LMX1B: variants seen among roughly 807,000 people sequenced by gnomAD.
LMX1B encodes the protein LIM homeobox transcription factor 1-beta.
A neutral mutation model predicts 51.4 loss-of-function variants in LMX1B; 12 were observed. The observed-to-expected ratio is 0.23, with a 90% CI of 0.15 to 0.38. LMX1B has a LOEUF of 0.38. LMX1B is among the 10% of genes least tolerant of loss of function. The probability of loss-of-function intolerance (pLI) is 1.00; values close to 1 mark genes in which losing one functional copy is unlikely to be tolerated. For synonymous variants in LMX1B, 237 were observed against 235.4 expected (o/e 1.01, Z -0.06); for missense variants, 445 against 571.1 (o/e 0.78, Z 2.25).
intron 2 of LMX1B, among the ~76,000 whole-genome samples, chr9:126,651,299 G>T (rs188245748): frequency 0.033 from 5,005 of 151,922 alleles, 290 homozygotes; most frequent in African/African-American, 0.11. Context: ...GGAGGGACTG[G>T]GGGGGGTGGC....
chr9:126,616,716 A>G (rs1007576819), intron 2 of LMX1B, among the ~76,000 whole-genome samples: 3 of 152,164 alleles, frequency 2.0e-5, no homozygotes, highest in African/African-American at 7.2e-5. Context: ...AGTGCAACCT[A>G]CCTGTTCTGC....
At chr9:126,634,982 A>G (rs1390354150) in intron 2 of LMX1B, among the ~76,000 whole-genome samples, 1 of 152,174 alleles carries the variant, frequency 6.6e-6, no homozygotes, top group East Asian at 1.9e-4. Context: ...CTCACCCTCA[A>G]GCCGGTGCCA....
rs1836158996 is a variant in LMX1B at position 126,658,383 on chromosome 9, T to C, written c.327-32453T>C. ...CCTCAAATTCGGCTGGCCCTCCCCC[T>C]GGCTGCCGGGCCCGGGCACCCCTGC... On this transcript the variant is annotated intron_variant, in intron 2 of 7. Coordinates refer to ENST00000373474, the MANE Select transcript of LMX1B (RefSeq NM_001174147.2). The surrounding 1 kb of genome is among the most constrained non-coding windows in gnomAD (Gnocchi z 4.0). 6.7e-6 allele frequency among the ~76,000 whole-genome samples: 1 copy of C among 149,662 alleles called. No homozygotes were observed. Among genetic ancestry groups the C allele is most frequent in the Non-Finnish European group, 1.5e-5 (1 of 67,564 alleles).
chr9:126,633,019 CA>C (rs1835658328), intron 2 of LMX1B, among the ~76,000 whole-genome samples: 1 of 152,226 alleles, frequency 6.6e-6, no homozygotes. Context: ...TTGCCCACAT[CA>C]AGGTCTTACT....
chr9:126,691,814 G>C (rs1462343116), intron 3 of LMX1B, among the ~76,000 whole-genome samples: 2 of 152,228 alleles, frequency 1.3e-5, no homozygotes, highest in African/African-American at 4.8e-5. Flanking sequence ...GCCGAAGGGA[G>C]GGGGCTGGGC....
intron 2 of LMX1B, among the ~76,000 whole-genome samples, chr9:126,682,860 A>G (rs1196735640): frequency 7.2e-6 from 1 of 138,422 alleles, no homozygotes; most frequent in Non-Finnish European, 1.5e-5. Flanking sequence ...ACGCCACTGC[A>G]CTCCAGCCTG....
chr9:126,640,536 G>T (rs1262058286), intron 2 of LMX1B, among the ~76,000 whole-genome samples: 1 of 152,186 alleles, frequency 6.6e-6, no homozygotes, highest in African/African-American at 2.4e-5. Flanking sequence ...TCCTTGTGGG[G>T]TCTCACCATG....
At chr9:126,651,539 C>A (rs1836008257) in intron 2 of LMX1B, among the ~76,000 whole-genome samples, 1 of 152,090 alleles carries the variant, frequency 6.6e-6, no homozygotes, top group Non-Finnish European at 1.5e-5. Context: ...TTCTCCCCCC[C>A]TCCCAACAAC....
In LMX1B at chr9:126,614,456, A is replaced by C. The variant is rs1321208942; in HGVS notation, c.7A>C (p.Ile3Leu). MD[I>L]ATGPESLERC... The stretch of plus-strand genomic sequence containing the variant: ...GCAGCGCGCCCCGCGTCCCATGGAT[A>C]TAGCAACAGGTCCCGAGTCGCTGGA... The change falls in exon 1 of 8, where the codon ATA becomes CTA. Residue 3 changes from isoleucine (I) to leucine (L), a missense_variant. This residue lies in a region of LMX1B where 273 missense variants were observed against 343.3 expected (regional missense o/e 0.80). Transcript: ENST00000373474. The C allele has an allele frequency of 6.4e-7, 1 of 1,556,014 alleles. No individual in the cohort carries two copies. Among genetic ancestry groups the C allele is most frequent in the African/African-American group, 1.4e-5 (1 of 72,858 alleles).
At chr9:126,696,235 AG>A (rs1205092262) in intron 7 of LMX1B, 58 bp from the exon 8 acceptor site, 1 of 1,527,738 alleles carries the variant, frequency 6.5e-7, no homozygotes, top group Non-Finnish European at 9.1e-7. Context: ...CAGGGCAAAC[AG>A]GGGGCCCCCA....
At chr9:126,634,687 G>A (rs1467878792) in intron 2 of LMX1B, among the ~76,000 whole-genome samples, 1 of 152,152 alleles carries the variant, frequency 6.6e-6, no homozygotes, top group Non-Finnish European at 1.5e-5. Context: ...TATAAAATGG[G>A]TACAGCTATT....
intron 2 of LMX1B, among the ~76,000 whole-genome samples, chr9:126,633,340 C>G (rs1166093660): frequency 6.6e-6 from 1 of 152,214 alleles, no homozygotes; most frequent in Non-Finnish European, 1.5e-5. Flanking sequence ...TACCTCCAAG[C>G]CTGGCACAGG....
rs1836455432 is a variant in LMX1B, at chr9:126,671,681, T to C, written c.327-19155T>C. Among the ~76,000 whole-genome samples the C allele has an allele frequency of 6.6e-6, 1 of 152,120 alleles. No individual in the cohort carries two copies. The highest frequency in any genetic ancestry group is 2.4e-5 in the African/African-American group (1 of 41,416). ...GGATGAGAGGTCAGCGGGCCTGCCC[T>C]GTGCCGAGCGGTGGAATTTTTCAAT... is the stretch of plus-strand genomic sequence containing the variant. On this transcript the variant is annotated intron_variant, in intron 2 of 7. Coordinates refer to ENST00000373474, the MANE Select transcript of LMX1B (RefSeq NM_001174147.2). The surrounding 1 kb of genome is among the most constrained non-coding windows in gnomAD (Gnocchi z 4.4).
intron 2 of LMX1B, among the ~76,000 whole-genome samples, chr9:126,617,443 A>G (rs1835324274): frequency 6.6e-6 from 1 of 151,620 alleles, no homozygotes; most frequent in African/African-American, 2.4e-5. Context: ...TCGCGTGTAC[A>G]TATTCTGCCC....
At chr9:126,665,722 C>G (rs1472468159) in intron 2 of LMX1B, among the ~76,000 whole-genome samples, 1 of 152,234 alleles carries the variant, frequency 6.6e-6, no homozygotes, top group Non-Finnish European at 1.5e-5. Flanking sequence ...AATCGCTGGC[C>G]TTTGAACAGA....
intron 2 of LMX1B, among the ~76,000 whole-genome samples, chr9:126,686,094 A>G (rs1315220753): frequency 6.6e-6 from 1 of 152,062 alleles, no homozygotes; most frequent in Admixed American, 6.5e-5. Context: ...CCTGGCTAAC[A>G]CGGTGAAACC....
intron 2 of LMX1B, among the ~76,000 whole-genome samples, chr9:126,656,479 T>C (rs1173577496): frequency 6.6e-6 from 1 of 151,986 alleles, no homozygotes; most frequent in Non-Finnish European, 1.5e-5. Context: ...AGGCTCATGG[T>C]TTCAGACAGA....
intron 2 of LMX1B, among the ~76,000 whole-genome samples, chr9:126,636,737 C>A (rs1835718766): frequency 6.6e-6 from 1 of 152,076 alleles, no homozygotes; most frequent in Admixed American, 6.5e-5. Context: ...TGAATGAGAG[C>A]CCCACCTTGT....
intron 6 of LMX1B, among the ~76,000 whole-genome samples, chr9:126,694,469 T>C (rs2030256671): frequency 6.6e-6 from 1 of 152,094 alleles, no homozygotes; most frequent in African/African-American, 2.4e-5. Context: ...GGGGCATGAG[T>C]CAGGCCCCCT....
Sources: allele counts gnomAD v4.1 joint callset (sites outside exome capture counted in the v4.1 genomes callset), GRCh38; gene constraint gnomAD v4.1.1; regional missense constraint gnomAD v4.1.1; non-coding constraint Gnocchi (gnomAD v3.1); transcripts MANE v1.5; gene names NCBI Gene and HGNC (gene_info 2026-07-23, HGNC 2026-07-21).